The following LOC122539214 variants were observed in gnomAD, a reference collection of about 807,000 sequenced individuals.
the LOC122539214 span, among the ~76,000 whole-genome samples, chr19:52,656,942 C>T: frequency 6.6e-6 from 1 of 151,672 alleles, no homozygotes; most frequent in Non-Finnish European, 1.5e-5. Context: ...CACCTACACA[C>T]ACTTCAATTA....
At chr19:52,675,489 G>A in the LOC122539214 span, among the ~76,000 whole-genome samples, 2 of 152,120 alleles carry the variant, frequency 1.3e-5, no homozygotes, top group Admixed American at 6.5e-5. Context: ...CATGGATCAT[G>A]TGCTGAGTCA....
chr19:52,656,549 T>C, the LOC122539214 span, among the ~76,000 whole-genome samples: 1 of 151,664 alleles, frequency 6.6e-6, no homozygotes. Flanking sequence ...TATGTATATA[T>C]TGCAAATAAT....
chr19:52,655,776 G>T, the LOC122539214 span: 1 of 636,668 alleles, frequency 1.6e-6, no homozygotes. Flanking sequence ...GTATTGATTT[G>T]ATCCAAGACG....
the LOC122539214 span, among the ~76,000 whole-genome samples, chr19:52,668,159 A>T: frequency 6.6e-6 from 1 of 152,172 alleles, no homozygotes; most frequent in African/African-American, 2.4e-5. Flanking sequence ...GTACATCAGC[A>T]TCGGCCTGGG....
At chr19:52,673,500 TCACACA>T in the LOC122539214 span, among the ~76,000 whole-genome samples, 1 of 148,930 alleles carries the variant, frequency 6.7e-6, no homozygotes, top group Admixed American at 6.7e-5. Context: ...TGTAACTCCA[TCACACA>T]CACACACACA....
At chr19:52,690,194 A>AG in the LOC122539214 span, among the ~76,000 whole-genome samples, 1 of 151,604 alleles carries the variant, frequency 6.6e-6, no homozygotes, top group Admixed American at 6.6e-5. Context: ...AAAAAAAAAA[A>AG]AAAACAACAA....
the LOC122539214 span, chr19:52,651,943 C>T: frequency 5.7e-6 from 1 of 176,224 alleles, no homozygotes; most frequent in African/African-American, 2.4e-5. Context: ...AAACTCTAGT[C>T]AATGCAGAAT....
chr19:52,684,324 C>T, the LOC122539214 span, among the ~76,000 whole-genome samples: 1 of 151,902 alleles, frequency 6.6e-6, no homozygotes. Context: ...CGAGATCACA[C>T]CACTACACTC....
chr19:52,683,434 C>G, the LOC122539214 span, among the ~76,000 whole-genome samples: 24,876 of 150,450 alleles, frequency 0.17, 2,372 homozygotes, highest in African/African-American at 0.26. Flanking sequence ...GCCTCCAGCT[C>G]CTCCGGAACA....
the LOC122539214 span, among the ~76,000 whole-genome samples, chr19:52,673,500 TCACA>T: frequency 3.4e-5 from 5 of 148,928 alleles, no homozygotes; most frequent in Non-Finnish European, 7.5e-5. Flanking sequence ...TGTAACTCCA[TCACA>T]CACACACACA....
the LOC122539214 span, among the ~76,000 whole-genome samples, chr19:52,680,814 G>A: frequency 1.5e-4 from 23 of 149,018 alleles, no homozygotes; most frequent in South Asian, 1.7e-3. Flanking sequence ...GGGTTTCACC[G>A]TGTTAGCCAG....
chr19:52,661,703 G>A, the LOC122539214 span, among the ~76,000 whole-genome samples: 2 of 152,152 alleles, frequency 1.3e-5, no homozygotes, highest in African/African-American at 4.8e-5. Flanking sequence ...CTCTCCCCTT[G>A]GGGACTTGTT....
At chr19:52,685,557 G>T in the LOC122539214 span, among the ~76,000 whole-genome samples, 1 of 152,136 alleles carries the variant, frequency 6.6e-6, no homozygotes, top group Non-Finnish European at 1.5e-5. Context: ...AACAGGGAAA[G>T]AAAGTCAGCT....
At chr19:52,674,196 G>A in the LOC122539214 span, 1 of 152,116 alleles carries the variant, frequency 6.6e-6, no homozygotes, top group Non-Finnish European at 1.5e-5. Context: ...TTCCTGTGAG[G>A]TTGGGGCTGT....
chr19:52,673,051 C>G, the LOC122539214 span, among the ~76,000 whole-genome samples: 1 of 152,036 alleles, frequency 6.6e-6, no homozygotes, highest in African/African-American at 2.4e-5. Flanking sequence ...AGCCCTGTCT[C>G]TACCAAAAAT....
chr19:52,681,274 C>A, the LOC122539214 span, among the ~76,000 whole-genome samples: 1 of 45,212 alleles, frequency 2.2e-5, no homozygotes, highest in Non-Finnish European at 4.3e-5. Context: ...CAGAGTGAGA[C>A]TTTCTCAAAA....
At chr19:52,655,485 A>G in the LOC122539214 span, 4 of 1,322,616 alleles carry the variant, frequency 3.0e-6, no homozygotes, top group Non-Finnish European at 1.1e-6. Flanking sequence ...CAAAATCACA[A>G]AAGAGAATAC....
At chr19:52,689,935 G>A in the LOC122539214 span, among the ~76,000 whole-genome samples, 1 of 152,222 alleles carries the variant, frequency 6.6e-6, no homozygotes, top group Non-Finnish European at 1.5e-5. Flanking sequence ...CTGCGGAGGA[G>A]AGACCTGGGG....
At chr19:52,684,565 A>AAG in the LOC122539214 span, among the ~76,000 whole-genome samples, 1 of 148,622 alleles carries the variant, frequency 6.7e-6, no homozygotes, top group East Asian at 2.0e-4. Context: ...AGAAAAAAAA[A>AAG]GGAAAGAAAG....
Sources: allele counts gnomAD v4.1 joint callset (sites outside exome capture counted in the v4.1 genomes callset), GRCh38; gene constraint gnomAD v4.1.1; transcripts MANE v1.5.